FNBP4: variants seen among roughly 807,000 people sequenced by gnomAD.
FNBP4 encodes the protein formin-binding protein 4.
Under a neutral mutation model 119.3 loss-of-function variants are expected in FNBP4, and 34 were observed. The observed-to-expected ratio is 0.28, with a 90% confidence interval of 0.22 to 0.38. The LOEUF is 0.38. FNBP4 is among the 10% of genes least tolerant of loss of function. The probability of loss-of-function intolerance (pLI) is 1.00; values close to 1 mark genes in which losing one functional copy is unlikely to be tolerated. For synonymous variants in FNBP4, 462 were observed against 430.6 expected (o/e 1.07, Z -0.90); for missense variants, 1,112 against 1,228.9 (o/e 0.90, Z 1.42).
At chr11:47,728,265 T>TA (rs1283436812) in intron 12 of FNBP4, among the ~76,000 whole-genome samples, 1 of 152,058 alleles carries the variant, frequency 6.6e-6, no homozygotes, top group Non-Finnish European at 1.5e-5. Flanking sequence ...AATTTTTTTT[T>TA]AAGACGGAGT....
chr11:47,729,982 G>A (rs1428381274), intron 12 of FNBP4: 1 of 985,260 alleles, frequency 1.0e-6, no homozygotes, highest in Non-Finnish European at 1.2e-6. Context: ...AATAGGAATG[G>A]CTCAAGAGCC....
chr11:47,740,393 C>G (rs2097580235), intron 8 of FNBP4, among the ~76,000 whole-genome samples: 1 of 150,204 alleles, frequency 6.7e-6, no homozygotes, highest in African/African-American at 2.5e-5. Flanking sequence ...GCCTGGGTGA[C>G]AGAGTGAGAC....
In FNBP4 at chr11:47,767,211, C is replaced by A. The variant is rs200802680; in HGVS notation, c.78G>T (p.Thr26=). 7.4e-4 allele frequency: 1,163 copies of A among 1,565,986 alleles called. 4 individuals carry two copies. The African/African-American group carries it at 0.015, about 20-fold the overall frequency. ...GTTCCGGCTCCGGGTCCCGGCCCGG[C>A]GTGCTGCCCCGAGGACCCGGCGGAG... ...QLSPPGPRGS[T]PGRDPEPEPD... Residue 26 remains threonine (T), a synonymous_variant, in exon 1 of 17, where the codon ACG becomes ACT. Coordinates refer to ENST00000263773, the MANE Select transcript of FNBP4 (RefSeq NM_015308.5).
intron 8 of FNBP4, among the ~76,000 whole-genome samples, chr11:47,740,760 T>G (rs1450356858): frequency 6.6e-6 from 1 of 151,312 alleles, no homozygotes; most frequent in Non-Finnish European, 1.5e-5. Flanking sequence ...GTGCAGATAA[T>G]TTTGTATTTT....
At chr11:47,743,681 C>A (rs571474226) in intron 8 of FNBP4, 2 of 434,040 alleles carry the variant, frequency 4.6e-6, no homozygotes, top group South Asian at 2.9e-5. Flanking sequence ...CCCACCCACA[C>A]AGAGGCTGGG....
intron 2 of FNBP4, among the ~76,000 whole-genome samples, chr11:47,762,255 A>G (rs1376298487): frequency 7.9e-5 from 12 of 150,976 alleles, no homozygotes; most frequent in Non-Finnish European, 4.4e-5. Flanking sequence ...CCTCAGCCTC[A>G]CGAGTAGCTG....
chr11:47,722,665 A>T (rs997060002), intron 15 of FNBP4, among the ~76,000 whole-genome samples: 2 of 151,978 alleles, frequency 1.3e-5, no homozygotes, highest in Non-Finnish European at 1.5e-5. Context: ...ATCCTGGCTC[A>T]CTGCAACCTC....
intron 8 of FNBP4, among the ~76,000 whole-genome samples, chr11:47,740,548 C>T (rs1026137633): frequency 9.9e-5 from 15 of 151,612 alleles, no homozygotes; most frequent in Non-Finnish European, 1.2e-4. Flanking sequence ...TCATTATGTT[C>T]CTTTAGCTTC....
At chr11:47,755,231 C>A (rs1012742707) in intron 2 of FNBP4, among the ~76,000 whole-genome samples, 1 of 151,654 alleles carries the variant, frequency 6.6e-6, no homozygotes, top group Admixed American at 6.6e-5. Context: ...GGGCAGATCA[C>A]CTGAAGTCAG....
intron 2 of FNBP4, among the ~76,000 whole-genome samples, chr11:47,763,952 A>G (rs1307429170): frequency 5.3e-5 from 8 of 152,080 alleles, no homozygotes; most frequent in Non-Finnish European, 1.0e-4. Context: ...TATACCTCTT[A>G]TGGCTTGAAT....
chr11:47,744,819 T>C lies in FNBP4; in HGVS notation c.1246-656A>G, dbSNP rs529857578. On this transcript the variant is annotated intron_variant, in intron 7 of 16. Transcript: ENST00000263773. ...CTACTGTGCTATCAAATAGTAGGTC[T>C]TATTCATTCTTTCTGGTTTTTTTCT... 2.6e-5 allele frequency among the ~76,000 whole-genome samples: 4 copies of C among 152,340 alleles called. No individual in the cohort carries two copies. In the East Asian group the frequency reaches 5.8e-4, roughly 22 times the overall value.
intron 15 of FNBP4, among the ~76,000 whole-genome samples, chr11:47,722,048 A>C (rs1322835915): frequency 1.2e-5 from 1 of 83,344 alleles, no homozygotes; most frequent in African/African-American, 3.9e-5. Context: ...AAAAAAAAAA[A>C]AAAAAGGAAA....
chr11:47,767,314 CGTCGGGCGGCCGA>C lies in FNBP4; in HGVS notation c.-39_-27del, dbSNP rs2097649916. On this transcript the variant is annotated 5_prime_UTR_variant, in exon 1 of 17. Transcript: ENST00000263773. ...CGCGAGCCCAAGCGCGAGCAGAGAG[CGTCGGGCGGCCGA>C]GAGGGGCGGGCACTGGAGGCTGGGC... The C allele has an allele frequency of 2.1e-6, 3 of 1,457,146 alleles. No homozygotes were observed. In the African/African-American group the frequency reaches 4.4e-5, roughly 21 times the overall value. The allele number at this position is 1,457,146 out of a possible 1,614,324, so 90.3% of individuals were successfully genotyped here. A position where few individuals can be genotyped will look rare whatever the true frequency, so the allele number is the denominator to read the frequency against.
chr11:47,719,975 T>C lies in FNBP4; in HGVS notation c.2917A>G (p.Thr973Ala). 1.9e-6 allele frequency: 3 copies of C among 1,614,116 alleles called. No individual in the cohort carries two copies. The highest frequency in any genetic ancestry group is 1.7e-6 in the Non-Finnish European group (2 of 1,179,978). The part of the protein sequence containing the change: ...SSSSEEDRES[T>A]AQKRIEEWKQ... ...CACTCTTCAATTCGCTTCTGTGCAG[T>C]TGATTCCCGATCCTCTTCACTGGAA... Residue 973 changes from threonine to alanine, a missense_variant, in exon 16 of 17, where the codon ACT becomes GCT. Thr to Ala is a moderately conservative substitution (Grantham distance 58). Around this residue, in one of 2 missense-constraint regions of FNBP4, gnomAD observed 826 missense variants for 988.8 expected, o/e 0.84. Transcript: ENST00000263773.
Position 47,723,981 on chromosome 11 carries a change from A to C in FNBP4, c.2464+47T>G, listed in dbSNP as rs2097558399. The C allele has an allele frequency of 2.6e-6, 4 of 1,568,526 alleles. No individual in the cohort carries two copies. The South Asian group carries it at 4.7e-5, about 19-fold the overall frequency. On this transcript the variant is annotated intron_variant, in intron 14 of 16. Transcript: ENST00000263773. ...TTTTATGGCATCTAATGCTGAAAAG[A>C]AAAGAAACAATACATTGAGGAAAAA... is the stretch of plus-strand genomic sequence containing the variant.
intron 12 of FNBP4, among the ~76,000 whole-genome samples, chr11:47,728,886 TC>T (rs1312725932): frequency 7.2e-6 from 1 of 139,240 alleles, no homozygotes; most frequent in African/African-American, 2.7e-5. Context: ...AGAGTTTTGC[TC>T]TGTCGCCCAG....
In FNBP4 at chr11:47,752,950, A is replaced by G. The variant is rs370534885; in HGVS notation, c.603T>C (p.Gly201=). 10 of 1,613,758 alleles carry G rather than the reference A, an allele frequency of 6.2e-6. No individual in the cohort carries two copies. Among genetic ancestry groups the G allele is most frequent in the African/African-American group, 1.3e-5 (1 of 74,932 alleles). ...GTGAACACTGAGTATCATATTGCCAACCAGATGTTTGGGTGGAGTCTGTTC... is the reference window on the plus strand; with the variant it reads ...GTGAACACTGAGTATCATATTGCCAGCCAGATGTTTGGGTGGAGTCTGTTC... ...SNGTDSTQTS[G]WQYDTQCSLA... is the part of the protein sequence containing the mutation. Residue 201 remains glycine, a synonymous_variant, in exon 4 of 17, where the codon GGT becomes GGC. Transcript: ENST00000263773.
At chr11:47,736,188 C>A (rs61898016) in intron 9 of FNBP4, among the ~76,000 whole-genome samples, 69 of 151,000 alleles carry the variant, frequency 4.6e-4, no homozygotes, top group Admixed American at 2.0e-3. Context: ...TTGCAGTGAG[C>A]CAAGATCGGG....
intron 2 of FNBP4, among the ~76,000 whole-genome samples, chr11:47,763,882 T>C (rs562510286): frequency 1.1e-4 from 17 of 152,148 alleles, no homozygotes; most frequent in Non-Finnish European, 2.4e-4. Flanking sequence ...CTTTGAGGGA[T>C]GGTGCTACAC....
Sources: allele counts gnomAD v4.1 joint callset (sites outside exome capture counted in the v4.1 genomes callset), GRCh38; gene constraint gnomAD v4.1.1; regional missense constraint gnomAD v4.1.1; transcripts MANE v1.5; gene names NCBI Gene and HGNC (gene_info 2026-07-23, HGNC 2026-07-21).